The following CCDC30 variants were observed in gnomAD, a reference collection of about 807,000 sequenced individuals.
CCDC30 encodes the protein coiled-coil domain-containing protein 30.
A neutral mutation model predicts 100.2 loss-of-function variants in CCDC30; 70 were observed. The observed-to-expected ratio is 0.70, with a 90% CI of 0.58 to 0.85. The LOEUF (loss-of-function observed/expected upper bound fraction) is 0.85. Among genes scored for constraint, CCDC30 ranks in the 40% least tolerant of loss-of-function variants. The pLI is 0.00. For missense variants in CCDC30, 652 were observed against 771.2 expected (o/e 0.85, Z 1.83); for synonymous variants, 233 against 269.5 (o/e 0.86, Z 1.33).
intron 1 of CCDC30, among the ~76,000 whole-genome samples, chr1:42,472,438 GT>G (rs1244864880): frequency 6.6e-6 from 1 of 152,124 alleles, no homozygotes; most frequent in Non-Finnish European, 1.5e-5. Flanking sequence ...TTAATGAGAA[GT>G]CAACATAAAT....
intron 1 of CCDC30, among the ~76,000 whole-genome samples, chr1:42,476,928 G>T (rs2148449463): frequency 1.4e-5 from 2 of 140,308 alleles, no homozygotes; most frequent in South Asian, 2.3e-4. Context: ...AGAGAAAATT[G>T]AGTTAATTAT....
intron 11 of CCDC30, among the ~76,000 whole-genome samples, chr1:42,626,108 AC>A (rs1376902071): frequency 3.3e-5 from 5 of 151,972 alleles, no homozygotes; most frequent in Admixed American, 2.0e-4. Flanking sequence ...TTATATAATG[AC>A]CTTTTTGTCT....
chr1:42,598,486 A>C (rs1646337447), intron 10 of CCDC30, among the ~76,000 whole-genome samples: 1 of 152,098 alleles, frequency 6.6e-6, no homozygotes, highest in African/African-American at 2.4e-5. Flanking sequence ...TTGAAGCTGC[A>C]ATGAGCTGAT....
intron 10 of CCDC30, among the ~76,000 whole-genome samples, chr1:42,606,387 C>T (rs1646501934): frequency 6.6e-6 from 1 of 152,178 alleles, no homozygotes; most frequent in Admixed American, 6.5e-5. Context: ...AAATGATTCT[C>T]CCGTTTCAGA....
At chr1:42,622,628 G>T (rs771376996) in intron 11 of CCDC30, among the ~76,000 whole-genome samples, 1 of 151,706 alleles carries the variant, frequency 6.6e-6, no homozygotes, top group Non-Finnish European at 1.5e-5. Context: ...ATGCACCACC[G>T]CACCTGGCTT....
At chr1:42,473,315 T>C (rs1439026522) in intron 1 of CCDC30, 1 of 1,207,868 alleles carries the variant, frequency 8.3e-7, no homozygotes, top group Non-Finnish European at 1.0e-6. Flanking sequence ...TGAGAACTAA[T>C]AGCATAGAAT....
intron 6 of CCDC30, among the ~76,000 whole-genome samples, chr1:42,526,346 CT>C (rs1336114081): frequency 1.3e-5 from 2 of 151,816 alleles, no homozygotes; most frequent in Non-Finnish European, 2.9e-5. Context: ...CCCTTTTTTT[CT>C]TTTTCCATGA....
intron 6 of CCDC30, among the ~76,000 whole-genome samples, chr1:42,513,766 C>T (rs150375090): frequency 0.013 from 1,976 of 152,188 alleles, 24 homozygotes; most frequent in Admixed American, 0.035. Flanking sequence ...AAGGAGTACC[C>T]GAGGCTGGTT....
At chr1:42,502,465 C>T (rs367586730) in intron 6 of CCDC30, among the ~76,000 whole-genome samples, 13 of 152,178 alleles carry the variant, frequency 8.5e-5, no homozygotes, top group African/African-American at 2.4e-4. Flanking sequence ...GCTCGTGCTC[C>T]GTGGGCTGCA....
At chr1:42,653,881 A>G (rs1322694922) in exon 17 of CCDC30, 1 of 1,614,184 alleles carries the variant, frequency 6.2e-7, no homozygotes. Flanking sequence ...AGATCAAGTC[A>G]AAAGAAGCAA....
chr1:42,651,064 A>G (rs1648303531), intron 15 of CCDC30, among the ~76,000 whole-genome samples: 1 of 152,230 alleles, frequency 6.6e-6, no homozygotes, highest in Non-Finnish European at 1.5e-5. Flanking sequence ...CACCACATTA[A>G]AAAATCAACT....
At chr1:42,540,431 A>C (rs530968079) in intron 6 of CCDC30, among the ~76,000 whole-genome samples, 1 of 152,322 alleles carries the variant, frequency 6.6e-6, no homozygotes, top group African/African-American at 2.4e-5. Flanking sequence ...AAAAGTTAAC[A>C]ACAGATGAGC....
chr1:42,471,467 G>A (rs1195216971), intron 1 of CCDC30, among the ~76,000 whole-genome samples: 1 of 152,132 alleles, frequency 6.6e-6, no homozygotes, highest in African/African-American at 2.4e-5. Flanking sequence ...TGTTTACATA[G>A]TTATAATAAT....
chr1:42,551,707 C>T (rs2148544057), intron 6 of CCDC30, among the ~76,000 whole-genome samples: 1 of 151,622 alleles, frequency 6.6e-6, no homozygotes, highest in Middle Eastern at 3.4e-3. Flanking sequence ...TAAGTATACA[C>T]ATTTTCTCTT....
At chr1:42,460,415 A>ATGCTT (rs1643379371), upstream of CCDC30, 2 of 984,692 alleles carry the variant, frequency 2.0e-6, no homozygotes, top group African/African-American at 3.5e-5. Context: ...AATGGAAAGG[A>ATGCTT]TGTTTTGTTT....
chr1:42,618,941 G>A (rs1028585677), intron 11 of CCDC30, among the ~76,000 whole-genome samples: 1 of 152,110 alleles, frequency 6.6e-6, no homozygotes, highest in Non-Finnish European at 1.5e-5. Context: ...TCATTTAACT[G>A]CAATAACTCA....
chr1:42,588,288 G>A (rs958265122), intron 9 of CCDC30, among the ~76,000 whole-genome samples: 27 of 152,142 alleles, frequency 1.8e-4, no homozygotes, highest in African/African-American at 6.5e-4. Flanking sequence ...AGTGCTAATG[G>A]CCCTTGTAGG....
chr1:42,457,396 C>T, the CCDC30 span: 3 of 1,534,594 alleles, frequency 2.0e-6, no homozygotes, highest in Non-Finnish European at 2.7e-6. Flanking sequence ...TATAACCAAT[C>T]TTGGGTTAAT....
chr1:42,618,370 G>A (rs531398749), intron 11 of CCDC30, among the ~76,000 whole-genome samples: 59 of 151,564 alleles, frequency 3.9e-4, no homozygotes, highest in Non-Finnish European at 6.3e-4. Context: ...CCGAGTAGCT[G>A]GGATTACAGG....
Sources: gnomAD v4.1 joint callset for allele counts (sites outside exome capture counted in the v4.1 genomes callset) on GRCh38, gnomAD v4.1.1 for gene constraint, MANE v1.5 for transcripts, NCBI Gene and HGNC (gene_info 2026-07-23, HGNC 2026-07-21) for gene names.